Variants in AGAP1 observed in about 807,000 individuals in gnomAD.
The protein encoded by AGAP1 is ArfGAP with GTPase domain, ankyrin repeat and PH domain 1, also known as arf-GAP with GTPase, ANK repeat and PH domain-containing protein 1.
AGAP1 carries 29 observed loss-of-function variants against 105.3 expected under a neutral mutation model. The ratio of observed to expected loss-of-function variants is 0.28; its 90% CI spans 0.21 to 0.38. The LOEUF (loss-of-function observed/expected upper bound fraction) is 0.38. Among genes scored for constraint, AGAP1 ranks in the 10% least tolerant of loss-of-function variants. The pLI, the probability that AGAP1 is intolerant of heterozygous loss-of-function variation, is 1.00. For synonymous variants in AGAP1, 509 were observed against 485.9 expected (o/e 1.05, Z -0.63); for missense variants, 998 against 1,165.1 (o/e 0.86, Z 2.09).
intron 1 of AGAP1, among the ~76,000 whole-genome samples, chr2:235,698,360 T>C (rs1247421227): frequency 1.3e-5 from 2 of 152,194 alleles, no homozygotes; most frequent in Non-Finnish European, 2.9e-5. Context: ...GTCCCTGCGG[T>C]TGGGGACCCC....
rs1559420976 is a variant in AGAP1, at chr2:235,741,716, G to GTTGTTGTTGTTATTATTATTA, written c.396+674_396+694dup. Among the ~76,000 whole-genome samples the GTTGTTGTTGTTATTATTATTA allele has an allele frequency of 6.8e-6, 1 of 147,840 alleles. No individual in the cohort carries two copies. Among genetic ancestry groups the GTTGTTGTTGTTATTATTATTA allele is most frequent in the African/African-American group, 2.6e-5 (1 of 38,946 alleles). On this transcript the variant is annotated intron_variant, in intron 4 of 17. Transcript: ENST00000304032. This position sits in a 1 kb window ranked among gnomAD's most constrained non-coding sequence, Gnocchi z 4.9. ...TATTATTATTGTTATTATTATTATT[G>GTTGTTGTTGTTATTATTATTA]TTGTTGTTGTTATTATTATTATTGT...
chr2:236,063,139 G>C (rs961070097), intron 16 of AGAP1, among the ~76,000 whole-genome samples: 2 of 151,848 alleles, frequency 1.3e-5, no homozygotes, highest in Non-Finnish European at 2.9e-5. Flanking sequence ...TTTTGCCCAG[G>C]CTACAGTGCA....
intron 1 of AGAP1, among the ~76,000 whole-genome samples, chr2:235,707,626 C>T (rs1447568889): frequency 7.6e-5 from 10 of 131,590 alleles, no homozygotes; most frequent in Admixed American, 3.7e-4. Context: ...CTTGGTGGGA[C>T]GTGCTCCCCA....
At chr2:235,686,663 ATATTT>A (rs1949458868) in intron 1 of AGAP1, among the ~76,000 whole-genome samples, 7 of 59,752 alleles carry the variant, frequency 1.2e-4, no homozygotes, top group African/African-American at 5.1e-4. Context: ...ATATATATAT[ATATTT>A]TTTTTTTTTT....
chr2:236,124,349 C>T lies in AGAP1; in HGVS notation c.*227C>T. 5 of 593,104 alleles carry T rather than the reference C, an allele frequency of 8.4e-6. No individual in the cohort carries two copies. The highest frequency in any genetic ancestry group is 1.5e-5 in the Non-Finnish European group (5 of 336,194). The allele number at this position is 593,104 out of a possible 1,614,324, so 36.7% of individuals were successfully genotyped here. ...TGCAGAAGTGGCTCCTTTTCATAAA[C>T]TCCCCTAAACCACACACAGGAGAGA... On this transcript the variant is annotated 3_prime_UTR_variant, in exon 18 of 18. Coordinates refer to ENST00000304032, the MANE Select transcript of AGAP1 (RefSeq NM_001037131.3). This position sits in a 1 kb window ranked among gnomAD's most constrained non-coding sequence, Gnocchi z 5.1.
In AGAP1 at chr2:235,970,842, C is replaced by G. The variant is rs1255329757; in HGVS notation, c.1645+2219C>G. Among the ~76,000 whole-genome samples, 1 of 152,168 alleles carries G rather than the reference C, an allele frequency of 6.6e-6. No homozygotes were observed. Among genetic ancestry groups the G allele is most frequent in the Admixed American group, 6.5e-5 (1 of 15,278 alleles). ...ACGCCTGATGTTTCAGGTCCACTTG[C>G]TGAGTGAGTGGGATGGTATGTGTGT... On this transcript the variant is annotated intron_variant, in intron 13 of 17. Coordinates refer to ENST00000304032, the MANE Select transcript of AGAP1 (RefSeq NM_001037131.3). This position sits in a 1 kb window ranked among gnomAD's most constrained non-coding sequence, Gnocchi z 5.4.
Position 235,723,432 on chromosome 2 carries a change from T to C in AGAP1, c.310+5788T>C, listed in dbSNP as rs1488509396. Among the ~76,000 whole-genome samples, 12 of 152,130 alleles carry C rather than the reference T, an allele frequency of 7.9e-5. No homozygotes were observed. Among genetic ancestry groups the C allele is most frequent in the Admixed American group, 7.9e-4 (12 of 15,276 alleles). On this transcript the variant is annotated intron_variant, in intron 3 of 17. Transcript: ENST00000304032. This position sits in a 1 kb window ranked among gnomAD's most constrained non-coding sequence, Gnocchi z 6.2. ...TATTATGTGGACATTAGATAGGAAA[T>C]GTGGACCTGCCCAAGACACTTCACC...
At chr2:235,911,615 G>A (rs752710132) in intron 11 of AGAP1, among the ~76,000 whole-genome samples, 4 of 152,322 alleles carry the variant, frequency 2.6e-5, no homozygotes, top group Admixed American at 6.5e-5. Flanking sequence ...CCTATAAACC[G>A]TACCATATCT....
chr2:235,895,915 T>C (rs2050786006), intron 10 of AGAP1, among the ~76,000 whole-genome samples: 1 of 152,212 alleles, frequency 6.6e-6, no homozygotes, highest in African/African-American at 2.4e-5. Context: ...AGGATCTTGA[T>C]GGGAGAAAAG....
intron 1 of AGAP1, among the ~76,000 whole-genome samples, chr2:235,579,727 G>A (rs1944865297): frequency 6.6e-6 from 1 of 151,330 alleles, no homozygotes; most frequent in South Asian, 2.1e-4. Context: ...AGTGAGTGGA[G>A]ATGGCACCAC....
chr2:235,524,584 C>T lies in AGAP1; in HGVS notation c.163+29735C>T, dbSNP rs571389968. ...CACTACTGCCCGCCCACCATGCCTTCCCCACATGGATGAGTTGCTCCCTCC... is the reference window on the plus strand; with the variant it reads ...CACTACTGCCCGCCCACCATGCCTTTCCCACATGGATGAGTTGCTCCCTCC... On this transcript the variant is annotated intron_variant, in intron 1 of 17. Coordinates refer to ENST00000304032, the MANE Select transcript of AGAP1 (RefSeq NM_001037131.3). 3.1e-4 allele frequency: 57 copies of T among 186,780 alleles called. No homozygotes were observed. In the South Asian group the frequency reaches 4.6e-3, roughly 15 times the overall value. The allele number at this position is 186,780 out of a possible 1,614,324, so 11.6% of individuals were successfully genotyped here.
intron 9 of AGAP1, among the ~76,000 whole-genome samples, chr2:235,829,410 A>G (rs1959189341): frequency 6.6e-6 from 1 of 152,334 alleles, no homozygotes; most frequent in African/African-American, 2.4e-5. Flanking sequence ...GACTGTGGCC[A>G]TGTTAATAAC....
chr2:235,596,309 C>T lies in AGAP1; in HGVS notation c.163+101460C>T, dbSNP rs1290182414. 6.6e-6 allele frequency among the ~76,000 whole-genome samples: 1 copy of T among 152,218 alleles called. No homozygotes were observed. The highest frequency in any genetic ancestry group is 2.4e-5 in the African/African-American group (1 of 41,452). On this transcript the variant is annotated intron_variant, in intron 1 of 17. Transcript: ENST00000304032. The surrounding 1 kb of genome is among the most constrained non-coding windows in gnomAD (Gnocchi z 5.9). ...TGGGACTGTCCAGATGCCTGTGGGGCACTACAGAGTTTTGAGGAAATAGAG... is the reference window on the plus strand; with the variant it reads ...TGGGACTGTCCAGATGCCTGTGGGGTACTACAGAGTTTTGAGGAAATAGAG...
At chr2:235,704,541 G>A (rs923964530) in intron 1 of AGAP1, among the ~76,000 whole-genome samples, 9 of 152,210 alleles carry the variant, frequency 5.9e-5, no homozygotes, top group African/African-American at 1.9e-4. Context: ...AGCTACTCGA[G>A]AGGCTGAGGC....
At chr2:235,803,007 GTGGTTGTGA>G (rs1957625191) in intron 8 of AGAP1, among the ~76,000 whole-genome samples, 3 of 7,752 alleles carry the variant, frequency 3.9e-4, no homozygotes, top group South Asian at 3.6e-3. Context: ...GGTGATGGTT[GTGGTTGTGA>G]TGGTGGTGAT....
intron 1 of AGAP1, among the ~76,000 whole-genome samples, chr2:235,590,829 T>C (rs1574917157): frequency 6.8e-6 from 1 of 148,096 alleles, no homozygotes; most frequent in Admixed American, 6.8e-5. Context: ...CATGCCATTC[T>C]CCTGCCTCAG....
intron 1 of AGAP1, among the ~76,000 whole-genome samples, chr2:235,682,153 G>A (rs1575114868): frequency 6.6e-6 from 1 of 151,826 alleles, no homozygotes; most frequent in African/African-American, 2.4e-5. Flanking sequence ...GCTTGGCCTC[G>A]GTTTGCATAT....
chr2:235,704,962 CTTTTTTCTTTT>C (rs1176644940), intron 1 of AGAP1, among the ~76,000 whole-genome samples: 1,421 of 85,928 alleles, frequency 0.017, 214 homozygotes, highest in African/African-American at 0.051. Context: ...ATACAAGATG[CTTTTTTCTTTT>C]TTTTTTTTTT....
intron 8 of AGAP1, among the ~76,000 whole-genome samples, chr2:235,806,720 A>G (rs1263504530): frequency 6.6e-6 from 1 of 152,156 alleles, no homozygotes; most frequent in Non-Finnish European, 1.5e-5. Context: ...CCATTTTCCA[A>G]CCATCCAGAA....
Sources: allele counts gnomAD v4.1 joint callset (sites outside exome capture counted in the v4.1 genomes callset), GRCh38; gene constraint gnomAD v4.1.1; non-coding constraint Gnocchi (gnomAD v3.1); transcripts MANE v1.5; gene names NCBI Gene and HGNC (gene_info 2026-07-23, HGNC 2026-07-21).